Variants in APOLD1 observed in about 807,000 individuals in gnomAD.
The protein encoded by APOLD1 is apolipoprotein L domain containing 1.
In APOLD1, 22 loss-of-function variants were observed where a neutral mutation model predicts 15.3. That is an observed-to-expected ratio of 1.44 (90% CI 1.03 to 2.05). The LOEUF is 2.05. Among genes scored for constraint, APOLD1 ranks in the 30% most tolerant of loss-of-function variants. The pLI is 0.00. For synonymous variants in APOLD1, 190 were observed against 167.4 expected (o/e 1.13, Z -1.04); for missense variants, 394 against 353.5 (o/e 1.11, Z -0.92).
rs543596121 is a variant in APOLD1, at chr12:12,767,102, C to T, written c.97-19807C>T. 3.3e-5 allele frequency among the ~76,000 whole-genome samples: 5 copies of T among 150,484 alleles called. No individual in the cohort carries two copies. The East Asian group carries it at 8.0e-4, about 24-fold the overall frequency. On this transcript the variant is annotated intron_variant, in intron 1 of 1. Transcript: ENST00000326765. ...CTCTATTAAAAATACAAAAATCAGC[C>T]GGGTGTGGTGGTGCATGCCTATAGT...
At chr12:12,771,340 C>G (rs1946985519) in intron 1 of APOLD1, 2 of 262,030 alleles carry the variant, frequency 7.6e-6, no homozygotes, top group Non-Finnish European at 1.5e-5. Context: ...TGGTGGCCCC[C>G]TTATGGCCAT....
chr12:12,729,491 C>T (rs1224522543), intron 1 of APOLD1, among the ~76,000 whole-genome samples: 1 of 151,998 alleles, frequency 6.6e-6, no homozygotes, highest in Non-Finnish European at 1.5e-5. Flanking sequence ...AACGCCTGGC[C>T]TCAAGTGATA....
chr12:12,751,661 C>G (rs1254022275), intron 1 of APOLD1, among the ~76,000 whole-genome samples: 1 of 152,218 alleles, frequency 6.6e-6, no homozygotes, highest in Non-Finnish European at 1.5e-5. Flanking sequence ...AGGAGTGACT[C>G]TTAGGCAACC....
At chr12:12,752,688 A>G (rs749637639) in intron 1 of APOLD1, among the ~76,000 whole-genome samples, 1 of 152,230 alleles carries the variant, frequency 6.6e-6, no homozygotes, top group Non-Finnish European at 1.5e-5. Context: ...CCTAAATGAC[A>G]TAGGATCAGG....
intron 1 of APOLD1, among the ~76,000 whole-genome samples, chr12:12,761,990 C>T (rs563727335): frequency 6.6e-6 from 1 of 152,126 alleles, no homozygotes; most frequent in African/African-American, 2.4e-5. Context: ...TGTGCACCAC[C>T]ACCATGCCTG....
chr12:12,759,430 A>T (rs1392423106), intron 1 of APOLD1, among the ~76,000 whole-genome samples: 1 of 152,152 alleles, frequency 6.6e-6, no homozygotes. Flanking sequence ...ATCTTGTATG[A>T]CAAGATGCTA....
At position 12,756,021 on chromosome 12, in the gene APOLD1, C is replaced by T. The variant is rs543046541; in HGVS notation, c.96+29925C>T. ...AGTCTATATCCTATTAGTTCTGTTTCTCTGGAGAACCCTGACTAATCCAAG... is the reference window on the plus strand; with the variant it reads ...AGTCTATATCCTATTAGTTCTGTTTTTCTGGAGAACCCTGACTAATCCAAG... On this transcript the variant is annotated intron_variant, in intron 1 of 1. Coordinates refer to the APOLD1 transcript ENST00000326765. 2.6e-5 allele frequency among the ~76,000 whole-genome samples: 4 copies of T among 152,316 alleles called. No homozygotes were observed. The East Asian group carries it at 7.7e-4, about 29-fold the overall frequency.
At chr12:12,758,739 G>T (rs995923686) in intron 1 of APOLD1, among the ~76,000 whole-genome samples, 2 of 152,234 alleles carry the variant, frequency 1.3e-5, no homozygotes, top group Middle Eastern at 3.4e-3. Context: ...AGCAAAACTA[G>T]CATGATTTCT....
At chr12:12,734,032 C>T (rs1178398089) in intron 1 of APOLD1, among the ~76,000 whole-genome samples, 2 of 152,100 alleles carry the variant, frequency 1.3e-5, no homozygotes, top group Non-Finnish European at 2.9e-5. Flanking sequence ...AATAATTTTT[C>T]CTCCATTTTT....
chr12:12,787,913 A>C lies in APOLD1; in HGVS notation c.*261A>C. 1 of 457,136 alleles carries C rather than the reference A, an allele frequency of 2.2e-6. No individual in the cohort carries two copies. The highest frequency in any genetic ancestry group is 3.8e-6 in the Non-Finnish European group (1 of 261,998). The allele number at this position is 457,136 out of a possible 1,614,324, so 28.3% of individuals were successfully genotyped here. On this transcript the variant is annotated 3_prime_UTR_variant, in exon 2 of 2. Coordinates refer to ENST00000356591, the MANE Select transcript of APOLD1 (RefSeq NM_030817.3). This position sits in a 1 kb window ranked among gnomAD's most constrained non-coding sequence, Gnocchi z 4.9. ...AAAAACTCTTTTTCCTTTATCAAAA[A>C]CTTTCTGTCTAAACACAGCTGGGCA...
chr12:12,726,441 T>C, intron 1 of APOLD1: 1 of 360,086 alleles, frequency 2.8e-6, no homozygotes. Context: ...TTCTTTTTTG[T>C]AATACAGGTC....
intron 1 of APOLD1, among the ~76,000 whole-genome samples, chr12:12,754,475 A>C (rs1946840235): frequency 6.6e-6 from 1 of 151,710 alleles, no homozygotes; most frequent in Non-Finnish European, 1.5e-5. Context: ...TTAGAGACGG[A>C]GTCTTGCTCT....
At chr12:12,755,888 T>C (rs780563731) in intron 1 of APOLD1, among the ~76,000 whole-genome samples, 3 of 152,162 alleles carry the variant, frequency 2.0e-5, no homozygotes, top group Non-Finnish European at 4.4e-5. Context: ...GCAACGTCAA[T>C]CCTTCCCTGA....
intron 1 of APOLD1, among the ~76,000 whole-genome samples, chr12:12,761,837 A>ATATATATATAT (rs1946902570): frequency 7.7e-6 from 1 of 130,382 alleles, no homozygotes; most frequent in African/African-American, 3.9e-5. Context: ...GTATAGAGAG[A>ATATATATATAT]GAGAGAGAGA....
chr12:12,791,429 G>C lies in APOLD1; in HGVS notation c.*3777G>C, dbSNP rs1027869575. 7 of 152,108 alleles carry C rather than the reference G, an allele frequency of 4.6e-5. No individual in the cohort carries two copies. The highest frequency in any genetic ancestry group is 4.6e-4 in the Admixed American group (7 of 15,258). The allele number at this position is 152,108 out of a possible 1,614,324, so 9.4% of individuals were successfully genotyped here. The stretch of plus-strand genomic sequence containing the variant: ...TTTTTCCCACTGTAGCAAAATTAAT[G>C]CTTTCTCTTTATTGAAATAAATTGC... On this transcript the variant is annotated 3_prime_UTR_variant, in exon 2 of 2. Coordinates refer to ENST00000356591, the MANE Select transcript of APOLD1 (RefSeq NM_030817.3).
intron 1 of APOLD1, among the ~76,000 whole-genome samples, chr12:12,750,239 G>T (rs573396597): frequency 6.6e-6 from 1 of 152,142 alleles, no homozygotes; most frequent in Non-Finnish European, 1.5e-5. Flanking sequence ...GGGTGTGGTG[G>T]CACATGGCAG....
intron 1 of APOLD1, among the ~76,000 whole-genome samples, chr12:12,752,266 TC>T (rs1946817942): frequency 6.6e-6 from 1 of 152,188 alleles, no homozygotes; most frequent in Non-Finnish European, 1.5e-5. Context: ...TTCTCTTTGT[TC>T]TTTGGGAGCC....
chr12:12,728,665 C>CAAAAAAAAAAAAA (rs58877184), intron 1 of APOLD1, among the ~76,000 whole-genome samples: 5 of 62,872 alleles, frequency 8.0e-5, no homozygotes, highest in Non-Finnish European at 1.4e-4. Context: ...GACCCTGTCT[C>CAAAAAAAAAAAAA]AAAAAAAAAA....
upstream of APOLD1, chr12:12,785,651 A>G (rs375267782): frequency 6.2e-7 from 1 of 1,614,242 alleles, no homozygotes; most frequent in South Asian, 1.1e-5. Flanking sequence ...TCATCCAGAA[A>G]CAGCCTCAGA....
Sources: allele counts gnomAD v4.1 joint callset (sites outside exome capture counted in the v4.1 genomes callset), GRCh38; gene constraint gnomAD v4.1.1; non-coding constraint Gnocchi (gnomAD v3.1); transcripts MANE v1.5; gene names NCBI Gene and HGNC (gene_info 2026-07-23, HGNC 2026-07-21).